Variants in ALPK1 observed in about 807,000 individuals in gnomAD.
ALPK1 encodes the protein alpha kinase 1, also known as alpha-protein kinase 1.
A neutral mutation model predicts 120.6 loss-of-function variants in ALPK1; 110 were observed. That is an observed-to-expected ratio of 0.91 (90% CI 0.78 to 1.07). The LOEUF is 1.07. Among genes scored for constraint, ALPK1 ranks in the 50% least tolerant of loss-of-function variants. The pLI, the probability that ALPK1 is intolerant of heterozygous loss-of-function variation, is 0.00. For synonymous variants in ALPK1, 582 were observed against 560.3 expected (o/e 1.04, Z -0.55); for missense variants, 1,498 against 1,483.9 (o/e 1.01, Z -0.16).
intron 1 of ALPK1, among the ~76,000 whole-genome samples, chr4:112,309,436 C>T (rs1323825288): frequency 6.6e-6 from 1 of 152,188 alleles, no homozygotes; most frequent in Non-Finnish European, 1.5e-5. Context: ...GCTACTCAAG[C>T]CTCAGCAATG....
intron 11 of ALPK1, among the ~76,000 whole-genome samples, chr4:112,433,142 G>T (rs1451783798): frequency 6.6e-6 from 1 of 152,118 alleles, no homozygotes; most frequent in Non-Finnish European, 1.5e-5. Context: ...GCGGTTTCTT[G>T]CCAGCCAATT....
Position 112,439,780 on chromosome 4 carries a change from A to C in ALPK1, c.3446A>C (p.Lys1149Thr), listed in dbSNP as rs758056733. Residue 1149 changes from lysine (K) to threonine (T), a missense_variant, in exon 14 of 16, where the codon AAA (lysine) becomes ACA (threonine). Coordinates refer to ENST00000650871, the MANE Select transcript of ALPK1 (RefSeq NM_025144.4). ...TTGTCAAATAACACGAAAGTGGTGA[A>C]AACAGAATACAAAGCCACAGAATAT... ...VKLSNNTKVV[K>T]TEYKATEYGL... The C allele has an allele frequency of 9.9e-6, 16 of 1,613,728 alleles. No homozygotes were observed. The South Asian group carries it at 1.6e-4, about 17-fold the overall frequency.
chr4:112,360,934 A>G (rs1166210746), intron 2 of ALPK1, among the ~76,000 whole-genome samples: 1 of 152,096 alleles, frequency 6.6e-6, no homozygotes, highest in East Asian at 1.9e-4. Context: ...ATTTTTCTAC[A>G]TGGATATTTA....
At chr4:112,398,131 T>C (rs994355813) in intron 4 of ALPK1, among the ~76,000 whole-genome samples, 1 of 152,114 alleles carries the variant, frequency 6.6e-6, no homozygotes, top group African/African-American at 2.4e-5. Context: ...GGGCAGAGCA[T>C]TGCAGATGGA....
Position 112,358,822 on chromosome 4 carries a change from T to C in ALPK1, c.-100-18856T>C. ...AAGTAGGAGCTGAGCCAAGCCAACT[T>C]TGCCACCTTCACCCAGGCCCTGCAG... On this transcript the variant is annotated intron_variant, in intron 2 of 15. Coordinates refer to ENST00000650871, the MANE Select transcript of ALPK1 (RefSeq NM_025144.4). The C allele has an allele frequency of 8.6e-6, 7 of 815,442 alleles. No individual in the cohort carries two copies. In the South Asian group the frequency reaches 9.2e-5, roughly 11 times the overall value. The allele number at this position is 815,442 out of a possible 1,614,324, so 50.5% of individuals were successfully genotyped here.
At chr4:112,319,713 T>C (rs1049888159) in intron 2 of ALPK1, among the ~76,000 whole-genome samples, 1 of 152,228 alleles carries the variant, frequency 6.6e-6, no homozygotes, top group Non-Finnish European at 1.5e-5. Context: ...TCATCTATCA[T>C]TTCTTTCAGC....
intron 2 of ALPK1, among the ~76,000 whole-genome samples, chr4:112,371,758 G>A (rs904876344): frequency 6.6e-6 from 1 of 152,116 alleles, no homozygotes; most frequent in Non-Finnish European, 1.5e-5. Context: ...TTTAGTAATC[G>A]ACTTCTAAAA....
rs1369445061 is a variant in ALPK1, at chr4:112,441,788, T to C, written c.*578T>C. On this transcript the variant is annotated 3_prime_UTR_variant, in exon 16 of 16. Coordinates refer to ENST00000650871, the MANE Select transcript of ALPK1 (RefSeq NM_025144.4). ...TTTTTAATTCTCCTGTATTTCCTTC[T>C]AGTATAATTAAATCTGTAAAAAGTA... 6.6e-6 allele frequency: 1 copy of C among 152,646 alleles called. No homozygotes were observed. Among genetic ancestry groups the C allele is most frequent in the Admixed American group, 6.5e-5 (1 of 15,320 alleles). 9.5% of individuals were successfully genotyped at this position (152,646 alleles called of 1,614,324 possible). A position where few individuals can be genotyped will look rare whatever the true frequency, so the allele number is the denominator to read the frequency against.
chr4:112,327,542 C>A (rs1006765073), intron 2 of ALPK1, among the ~76,000 whole-genome samples: 6 of 152,040 alleles, frequency 3.9e-5, no homozygotes, highest in Non-Finnish European at 8.8e-5. Flanking sequence ...TTAAGGGATC[C>A]CCCCGACCTC....
At chr4:112,421,313 T>A (rs1019241581) in intron 5 of ALPK1, among the ~76,000 whole-genome samples, 1 of 152,234 alleles carries the variant, frequency 6.6e-6, no homozygotes, top group African/African-American at 2.4e-5. Context: ...TACATTTATC[T>A]TTGAATGCTA....
chr4:112,395,583 A>G (rs1732613449), intron 4 of ALPK1, among the ~76,000 whole-genome samples: 2 of 152,230 alleles, frequency 1.3e-5, no homozygotes, highest in Non-Finnish European at 2.9e-5. Context: ...TATAGATTTC[A>G]GTAGAACAAA....
intron 1 of ALPK1, among the ~76,000 whole-genome samples, chr4:112,312,220 A>T (rs2110533152): frequency 6.6e-6 from 1 of 152,024 alleles, no homozygotes; most frequent in Non-Finnish European, 1.5e-5. Context: ...TTTCTCCAAA[A>T]TTTTTTTACA....
At chr4:112,377,613 C>T in intron 2 of ALPK1, 65 bp from the exon 3 acceptor site, 1 of 622,008 alleles carries the variant, frequency 1.6e-6, no homozygotes, top group Non-Finnish European at 2.6e-6. Flanking sequence ...TCCCTCCCTG[C>T]TTGAGTCTCA....
intron 4 of ALPK1, among the ~76,000 whole-genome samples, chr4:112,404,397 C>T (rs558666710): frequency 6.6e-6 from 1 of 152,284 alleles, no homozygotes; most frequent in South Asian, 2.1e-4. Flanking sequence ...TTGACCCACA[C>T]TTCCTCTAAT....
intron 4 of ALPK1, 81 bp downstream of exon 4, chr4:112,382,633 T>G: frequency 6.3e-7 from 1 of 1,598,638 alleles, no homozygotes; most frequent in Non-Finnish European, 8.6e-7. Flanking sequence ...AGATTAAATT[T>G]CTTTGAAGCA....
At chr4:112,334,183 A>G (rs975947627) in intron 2 of ALPK1, among the ~76,000 whole-genome samples, 75 of 152,328 alleles carry the variant, frequency 4.9e-4, no homozygotes, top group African/African-American at 1.7e-3. Context: ...CTGTAATCCC[A>G]GCACTTTGGG....
chr4:112,359,230 G>A lies in ALPK1; in HGVS notation c.-100-18448G>A. On this transcript the variant is annotated intron_variant, in intron 2 of 15. Coordinates refer to ENST00000650871, the MANE Select transcript of ALPK1 (RefSeq NM_025144.4). ...GGCAGCCACCCACAGTGGGGGTCCA[G>A]AGCGCCCAGAGCAGGGAAGCAGGGC... 7 of 568,602 alleles carry A rather than the reference G, an allele frequency of 1.2e-5. No individual in the cohort carries two copies. The South Asian group carries it at 1.3e-4, about 10-fold the overall frequency. The allele number at this position is 568,602 out of a possible 1,614,324, so 35.2% of individuals were successfully genotyped here.
chr4:112,308,512 T>C (rs1728228536), intron 1 of ALPK1, among the ~76,000 whole-genome samples: 1 of 152,130 alleles, frequency 6.6e-6, no homozygotes, highest in South Asian at 2.1e-4. Context: ...CTTCAATCAC[T>C]GATACCCTTT....
In ALPK1 at chr4:112,338,645, G is replaced by C. The variant is rs376454601; in HGVS notation, c.-101+22793G>C. 4.6e-4 allele frequency among the ~76,000 whole-genome samples: 70 copies of C among 152,334 alleles called. 1 individual carries two copies. In the South Asian group the frequency reaches 0.012, roughly 26 times the overall value. ...AAAGGTATTTGCTAGTGTCTGGAAG[G>C]CTGCAAATAAAGTCATAAGGTCTTT... On this transcript the variant is annotated intron_variant, in intron 2 of 15. Coordinates refer to ENST00000650871, the MANE Select transcript of ALPK1 (RefSeq NM_025144.4).
Sources: allele counts gnomAD v4.1 joint callset (sites outside exome capture counted in the v4.1 genomes callset), GRCh38; gene constraint gnomAD v4.1.1; transcripts MANE v1.5; gene names NCBI Gene and HGNC (gene_info 2026-07-23, HGNC 2026-07-21).